The following NAV1 variants were observed in gnomAD, a reference collection of about 807,000 sequenced individuals.
NAV1 encodes the protein pore membrane and/or filament interacting like protein 3.
NAV1 carries 18 observed loss-of-function variants against 175.2 expected under a neutral mutation model. The ratio of observed to expected loss-of-function variants is 0.10; its 90% confidence interval spans 0.07 to 0.15. The LOEUF (loss-of-function observed/expected upper bound fraction) is 0.15, where lower values mean the gene tolerates loss of function less well. Among genes scored for constraint, NAV1 ranks in the 10% least tolerant of loss-of-function variants. The pLI, the probability that NAV1 is intolerant of heterozygous loss-of-function variation, is 1.00. For missense variants in NAV1, 1,731 were observed against 2,436.6 expected (o/e 0.71, Z 6.10); for synonymous variants, 897 against 978.7 (o/e 0.92, Z 1.56).
At position 201,780,406 on chromosome 1, in the gene NAV1, T is replaced by C. The variant is rs774249317; in HGVS notation, c.1227-15T>C. ...TCTGTTTTAACGATTGACCTTCATC[T>C]CTCCTGTCCTGTAGCTGGGATGAAA... is the stretch of plus-strand genomic sequence containing the variant. On this transcript the variant is annotated splice_polypyrimidine_tract_variant and intron_variant, in intron 3 of 29. Transcript: ENST00000367296. 1.2e-6 allele frequency: 2 copies of C among 1,613,416 alleles called. No individual in the cohort carries two copies. The highest frequency in any genetic ancestry group is 2.2e-5 in the South Asian group (2 of 90,902).
chr1:201,616,239 G>T (rs1487030191), intron 2 of NAV1, among the ~76,000 whole-genome samples: 1 of 152,108 alleles, frequency 6.6e-6, no homozygotes, highest in African/African-American at 2.4e-5. Flanking sequence ...TTGGACCCAG[G>T]CATTCTGGCT....
At chr1:201,729,764 G>A (rs1484272870) in intron 3 of NAV1, among the ~76,000 whole-genome samples, 6 of 152,116 alleles carry the variant, frequency 3.9e-5, no homozygotes, top group African/African-American at 1.4e-4. Context: ...AAATTAGCCG[G>A]GTGTGGTGGC....
At chr1:201,631,312 C>A (rs1668474321) in intron 2 of NAV1, among the ~76,000 whole-genome samples, 1 of 152,186 alleles carries the variant, frequency 6.6e-6, no homozygotes, top group African/African-American at 2.4e-5. Context: ...CTCTTCTGAG[C>A]TTGAAGAAAA....
intron 3 of NAV1, among the ~76,000 whole-genome samples, chr1:201,731,590 T>C (rs1233714288): frequency 6.6e-6 from 1 of 152,186 alleles, no homozygotes. Flanking sequence ...AACAAAGCTC[T>C]GACCTAGTCC....
Position 201,782,210 on chromosome 1 carries a change from G to A in NAV1, c.1698G>A (p.Lys566=). The A allele has an allele frequency of 6.2e-7, 1 of 1,610,124 alleles. No homozygotes were observed. The change falls in exon 6 of 30, where the codon AAG becomes AAA. Residue 566 remains lysine, a synonymous_variant. Coordinates refer to ENST00000367296, the Ensembl canonical transcript of NAV1. The surrounding 1 kb of genome is among the most constrained non-coding windows in gnomAD (Gnocchi z 5.4). Reference sequence around the variant, plus strand: ...AGGGCAAAGCTACAGACAAGGGTAAGCTTGCAGTGAAGAATACTGGGCTCC... The same window carrying A: ...AGGGCAAAGCTACAGACAAGGGTAAACTTGCAGTGAAGAATACTGGGCTCC...
chr1:201,631,137 C>T (rs1362403606), intron 2 of NAV1, among the ~76,000 whole-genome samples: 1 of 152,226 alleles, frequency 6.6e-6, no homozygotes. Context: ...CACTGGCTTT[C>T]TCCAAGGCTC....
intron 1 of NAV1, among the ~76,000 whole-genome samples, chr1:201,650,265 C>A (rs373025671): frequency 1.3e-5 from 2 of 149,428 alleles, no homozygotes; most frequent in Admixed American, 1.4e-4. Flanking sequence ...TGCAAAAAAA[C>A]CCGAAGCGGG....
At chr1:201,648,395 C>T in exon 1 of NAV1, 1 of 1,228,432 alleles carries the variant, frequency 8.1e-7, no homozygotes, top group African/African-American at 1.6e-5. Context: ...CCGCCCCGCC[C>T]CTTTTCCTCC....
At chr1:201,786,336 T>C in intron 8 of NAV1, 93 bp from the exon 13 acceptor site, 3 of 1,297,934 alleles carry the variant, frequency 2.3e-6, no homozygotes, top group East Asian at 2.4e-5. Flanking sequence ...CAGAATCTCC[T>C]GGCTCCAGCC....
At position 201,657,840 on chromosome 1, in the gene NAV1, T is replaced by G. The variant is rs547361000; in HGVS notation, c.757+8415T>G. ...TGAGCTCAGGAGTTTGAGACCAGCT[T>G]GGGCATCATTGCAAAACCCTGTCTC... On this transcript the variant is annotated intron_variant, in intron 1 of 29. Transcript: ENST00000367296. 2.0e-5 allele frequency among the ~76,000 whole-genome samples: 3 copies of G among 152,260 alleles called. No homozygotes were observed. In the South Asian group the frequency reaches 6.2e-4, roughly 32 times the overall value.
At chr1:201,553,731 G>C (rs1337602552) in intron 1 of NAV1, among the ~76,000 whole-genome samples, 1 of 152,200 alleles carries the variant, frequency 6.6e-6, no homozygotes, top group African/African-American at 2.4e-5. Context: ...AGTTTTGCCT[G>C]CTCTTGAACT....
At chr1:201,686,464 A>T (rs1265311135) in intron 1 of NAV1, among the ~76,000 whole-genome samples, 3 of 152,158 alleles carry the variant, frequency 2.0e-5, no homozygotes, top group Admixed American at 1.3e-4. Context: ...TTGTCATCCC[A>T]CTTTGAATAG....
intron 2 of NAV1, among the ~76,000 whole-genome samples, chr1:201,609,132 G>C (rs927339095): frequency 6.6e-6 from 1 of 152,212 alleles, no homozygotes; most frequent in East Asian, 1.9e-4. Context: ...TGACTCCTGG[G>C]CTGCATGTGA....
chr1:201,783,270 C>T (rs1676453151), intron 6 of NAV1, 136 bp from the exon 11 acceptor site: 2 of 928,912 alleles, frequency 2.2e-6, no homozygotes, highest in African/African-American at 3.3e-5. Flanking sequence ...CATTGTATTT[C>T]ACAACAGCAT....
intron 1 of NAV1, among the ~76,000 whole-genome samples, chr1:201,690,259 A>G (rs1425903083): frequency 1.9e-4 from 14 of 73,920 alleles, no homozygotes; most frequent in African/African-American, 2.3e-4. Flanking sequence ...GTGGCAGAGT[A>G]TGTCTATTTC....
chr1:201,803,986 G>C, intron 16 of NAV1: 1 of 524,478 alleles, frequency 1.9e-6, no homozygotes. Flanking sequence ...TTTGGCAACA[G>C]AAGGATGCTG....
chr1:201,730,747 C>A (rs1042103052), intron 3 of NAV1, among the ~76,000 whole-genome samples: 7 of 152,328 alleles, frequency 4.6e-5, no homozygotes, highest in African/African-American at 1.4e-4. Context: ...AAGGAGCAAC[C>A]CAAGCCTCTG....
In NAV1 at chr1:201,653,923, A is replaced by G. The variant is rs141430536; in HGVS notation, c.757+4498A>G. 3.9e-3 allele frequency among the ~76,000 whole-genome samples: 600 copies of G among 152,330 alleles called. 1 individual carries two copies. Among genetic ancestry groups the G allele is most frequent in the African/African-American group, 0.013 (547 of 41,574 alleles). ...CCTGCCTTCCTCCAGGTTGGTACCAATAATATTTCTTTTCTCACCGTGTCC... is the reference window on the plus strand; with the variant it reads ...CCTGCCTTCCTCCAGGTTGGTACCAGTAATATTTCTTTTCTCACCGTGTCC... On this transcript the variant is annotated intron_variant, in intron 1 of 29. Coordinates refer to ENST00000367296, the Ensembl canonical transcript of NAV1.
chr1:201,784,211 G>T (rs1262993623), intron 7 of NAV1, among the ~76,000 whole-genome samples: 1 of 152,196 alleles, frequency 6.6e-6, no homozygotes, highest in Non-Finnish European at 1.5e-5. Context: ...AGGCTGGAGT[G>T]CAGTGGTGCA....
Sources: allele counts gnomAD v4.1 joint callset (sites outside exome capture counted in the v4.1 genomes callset), GRCh38; gene constraint gnomAD v4.1.1; non-coding constraint Gnocchi (gnomAD v3.1); transcripts MANE v1.5; gene names NCBI Gene and HGNC (gene_info 2026-07-23, HGNC 2026-07-21).